Variants in AGMO observed in about 807,000 individuals in gnomAD.
AGMO encodes the protein alkylglycerol monooxygenase, also known as glyceryl-ether monooxygenase.
Under a neutral mutation model 60.2 loss-of-function variants are expected in AGMO, and 75 were observed. The ratio of observed to expected loss-of-function variants is 1.25; its 90% CI spans 1.03 to 1.51. AGMO has a LOEUF of 1.51. AGMO is among the 40% of genes most tolerant of loss of function. The pLI is 0.00. For missense variants in AGMO, 763 were observed against 525.5 expected (o/e 1.45, Z -4.42); for synonymous variants, 261 against 177.1 (o/e 1.47, Z -3.76).
chr7:15,500,224 T>C (rs1783345407), intron 3 of AGMO, among the ~76,000 whole-genome samples: 1 of 151,988 alleles, frequency 6.6e-6, no homozygotes, highest in Non-Finnish European at 1.5e-5. Context: ...TAGAGAAGTC[T>C]TATTTCTAGT....
chr7:15,470,498 A>C (rs1197256264), intron 3 of AGMO, among the ~76,000 whole-genome samples: 2 of 151,928 alleles, frequency 1.3e-5, no homozygotes, highest in Non-Finnish European at 2.9e-5. Context: ...AAGTATTCAT[A>C]ATTAGAATCT....
chr7:15,341,153 G>A (rs1329167580), intron 12 of AGMO, among the ~76,000 whole-genome samples: 1 of 152,052 alleles, frequency 6.6e-6, no homozygotes, highest in Non-Finnish European at 1.5e-5. Context: ...TTAACATTTG[G>A]CTCCTTGTTA....
intron 3 of AGMO, among the ~76,000 whole-genome samples, chr7:15,457,748 A>G (rs1468596534): frequency 6.6e-6 from 1 of 152,170 alleles, no homozygotes; most frequent in African/African-American, 2.4e-5. Flanking sequence ...TCTGGCATGA[A>G]AGCTAAATTT....
chr7:15,438,201 A>G (rs531516884), intron 3 of AGMO, among the ~76,000 whole-genome samples: 1 of 152,096 alleles, frequency 6.6e-6, no homozygotes, highest in South Asian at 2.1e-4. Flanking sequence ...TGTAGGGCTT[A>G]TTGTCATTTG....
rs140409911 is a variant in AGMO, at chr7:15,419,318, T to G, written c.514-665A>C. Among the ~76,000 whole-genome samples, 782 of 152,120 alleles carry G rather than the reference T, an allele frequency of 5.1e-3. 1 individual carries two copies. The highest frequency in any genetic ancestry group is 0.017 in the Middle Eastern group (5 of 294). On this transcript the variant is annotated intron_variant, in intron 4 of 12. Transcript: ENST00000342526. ...ATTAAACCACAGAACTGGTTAGAAT[T>G]AACTAATAAGCATGATCTGCTTGTT...
chr7:15,287,303 G>A (rs937778401), intron 12 of AGMO, among the ~76,000 whole-genome samples: 2 of 152,146 alleles, frequency 1.3e-5, no homozygotes, highest in Non-Finnish European at 2.9e-5. Context: ...GACAAGATTA[G>A]CAATGTTATT....
chr7:15,119,674 A>G, the AGMO span, among the ~76,000 whole-genome samples: 1 of 152,284 alleles, frequency 6.6e-6, no homozygotes, highest in South Asian at 2.1e-4. Context: ...TGCTTTTAAT[A>G]CATGACCAGA....
chr7:15,179,823 A>G, the AGMO span, among the ~76,000 whole-genome samples: 3 of 152,192 alleles, frequency 2.0e-5, no homozygotes, highest in Admixed American at 1.3e-4. Context: ...GTAAGCTTGC[A>G]GAATTATCAA....
chr7:15,273,225 C>T (rs1011918827), intron 12 of AGMO, among the ~76,000 whole-genome samples: 4 of 152,096 alleles, frequency 2.6e-5, no homozygotes, highest in Admixed American at 6.6e-5. Context: ...TGAATGGTAT[C>T]GCCTAGCTTT....
chr7:15,247,984 C>A (rs1782799054), intron 12 of AGMO, among the ~76,000 whole-genome samples: 2 of 150,840 alleles, frequency 1.3e-5, no homozygotes, highest in African/African-American at 4.9e-5. Flanking sequence ...CTTAGAGAAA[C>A]TGAAGTAAGT....
At chr7:15,119,913 A>C in the AGMO span, among the ~76,000 whole-genome samples, 6 of 147,818 alleles carry the variant, frequency 4.1e-5, no homozygotes, top group East Asian at 1.2e-3. Flanking sequence ...ATGTAGCACC[A>C]GAGATAAATC....
At chr7:15,529,268 A>G (rs950830598) in intron 3 of AGMO, among the ~76,000 whole-genome samples, 1 of 151,666 alleles carries the variant, frequency 6.6e-6, no homozygotes, top group Non-Finnish European at 1.5e-5. Context: ...ACATACATGG[A>G]AAGTATTGAA....
intron 12 of AGMO, among the ~76,000 whole-genome samples, chr7:15,222,043 A>C (rs1781939973): frequency 6.6e-6 from 1 of 152,154 alleles, no homozygotes; most frequent in African/African-American, 2.4e-5. Flanking sequence ...CTTTAATATA[A>C]TCGTGCAGTT....
chr7:15,138,979 T>A, the AGMO span, among the ~76,000 whole-genome samples: 2 of 152,088 alleles, frequency 1.3e-5, no homozygotes, highest in African/African-American at 4.8e-5. Flanking sequence ...AAAATAAATA[T>A]CCTCCCTGAA....
chr7:15,117,788 A>C, the AGMO span, among the ~76,000 whole-genome samples: 1 of 152,040 alleles, frequency 6.6e-6, no homozygotes, highest in Non-Finnish European at 1.5e-5. Context: ...TGGATTAAGC[A>C]AAAGATAGGT....
chr7:15,124,365 TAGTC>T, the AGMO span, among the ~76,000 whole-genome samples: 1 of 152,002 alleles, frequency 6.6e-6, no homozygotes, highest in Non-Finnish European at 1.5e-5. Flanking sequence ...ATTTTTTCCA[TAGTC>T]AGTTTGGATT....
intron 2 of AGMO, among the ~76,000 whole-genome samples, chr7:15,550,943 G>C (rs1343572423): frequency 7.4e-6 from 1 of 135,452 alleles, no homozygotes; most frequent in Non-Finnish European, 1.6e-5. Flanking sequence ...ACCGAATCCA[G>C]CAGCACATCA....
intron 12 of AGMO, among the ~76,000 whole-genome samples, chr7:15,361,546 A>AAAAAAAAAAAAAAAAAAAAAAG (rs60239009): frequency 0.051 from 4,620 of 90,112 alleles, 525 homozygotes; most frequent in Non-Finnish European, 0.078. Flanking sequence ...TCTCAAAAAA[A>AAAAAAAAAAAAAAAAAAAAAAG]AAAAAAAAGG....
intron 12 of AGMO, among the ~76,000 whole-genome samples, chr7:15,328,192 G>A (rs1241828704): frequency 6.6e-6 from 1 of 152,010 alleles, no homozygotes; most frequent in African/African-American, 2.4e-5. Flanking sequence ...CAGCCTCTCA[G>A]GTTCAAGTGA....
Sources: gnomAD v4.1 joint callset for allele counts (sites outside exome capture counted in the v4.1 genomes callset) on GRCh38, gnomAD v4.1.1 for gene constraint, MANE v1.5 for transcripts, NCBI Gene and HGNC (gene_info 2026-07-23, HGNC 2026-07-21) for gene names.